Variants in EYA3 observed in about 807,000 individuals in gnomAD.
EYA3 encodes protein phosphatase EYA3.
Under a neutral mutation model 80.0 loss-of-function variants are expected in EYA3, and 39 were observed. That is an observed-to-expected ratio of 0.49 (90% CI 0.38 to 0.64). The LOEUF is 0.64. Ranked by LOEUF, EYA3 falls within the 30% of genes least tolerant of loss-of-function variation. EYA3 has a pLI of 0.00. For synonymous variants in EYA3, 206 were observed against 232.8 expected, an observed-to-expected ratio of 0.88 and a Z score of 1.05; for missense variants, 523 against 676.1, an observed-to-expected ratio of 0.77 and a Z score of 2.51.
At chr1:28,040,272 A>C (rs1643701956) in intron 4 of EYA3, among the ~76,000 whole-genome samples, 1 of 152,246 alleles carries the variant, frequency 6.6e-6, no homozygotes, top group African/African-American at 2.4e-5. Context: ...GTAGAGAATG[A>C]GGAAAACAAC....
intron 5 of EYA3, among the ~76,000 whole-genome samples, chr1:28,037,914 T>A (rs1318640042): frequency 2.6e-5 from 4 of 152,234 alleles, no homozygotes; most frequent in Non-Finnish European, 5.9e-5. Context: ...TATCCTGGCT[T>A]AATAAATGCA....
At chr1:27,978,541 T>G (rs1416597524) in intron 16 of EYA3, 67 bp from the exon 17 acceptor site, 1 of 1,339,790 alleles carries the variant, frequency 7.5e-7, no homozygotes, top group Non-Finnish European at 1.1e-6. Context: ...AGAAGAGGGC[T>G]GCTGCTAGGT....
intron 6 of EYA3, among the ~76,000 whole-genome samples, chr1:28,033,622 AT>A (rs1248821619): frequency 3.4e-5 from 5 of 147,538 alleles, no homozygotes; most frequent in Non-Finnish European, 6.0e-5. Flanking sequence ...ACTTTACAGA[AT>A]TTTTTTCTTT....
chr1:28,068,334 C>CAA (rs34643708), intron 1 of EYA3, among the ~76,000 whole-genome samples: 231 of 130,706 alleles, frequency 1.8e-3, no homozygotes, highest in African/African-American at 5.2e-3. Context: ...ACTCCCATCT[C>CAA]AAAAAAAAAA....
At chr1:28,044,007 T>C (rs1202423983) in intron 3 of EYA3, among the ~76,000 whole-genome samples, 5 of 151,984 alleles carry the variant, frequency 3.3e-5, no homozygotes, top group African/African-American at 9.7e-5. Context: ...AGCAACATCA[T>C]TTTTTTTAAC....
At chr1:28,088,049 C>G (rs1167042091) in intron 1 of EYA3, among the ~76,000 whole-genome samples, 1 of 152,116 alleles carries the variant, frequency 6.6e-6, no homozygotes, top group African/African-American at 2.4e-5. Context: ...AGGATCAAAG[C>G]TGAAGAAAGT....
intron 1 of EYA3, among the ~76,000 whole-genome samples, chr1:28,081,541 A>T (rs979143839): frequency 3.9e-5 from 6 of 152,194 alleles, no homozygotes; most frequent in African/African-American, 1.4e-4. Context: ...TAAAGTCTGA[A>T]ATATTCCCCC....
chr1:28,038,498 G>A (rs748558859), intron 5 of EYA3, among the ~76,000 whole-genome samples: 1 of 143,206 alleles, frequency 7.0e-6, no homozygotes, highest in African/African-American at 2.6e-5. Flanking sequence ...ATTCAGTCTT[G>A]TTTTTATTAA....
In EYA3 at chr1:28,000,043, T is replaced by C. The variant is rs779894304; in HGVS notation, c.1000A>G (p.Thr334Ala). ...GTTAAACCTGAGCCAATCACTACTG[T>C]TGGGTCCTAGAAGACAATAAGAAAA... is the stretch of plus-strand genomic sequence containing the variant. ...SYAQKYGKDPTVVIGSGLTME... is the reference protein window; with the variant it reads ...SYAQKYGKDPAVVIGSGLTME... The change falls in exon 12 of 18, where the codon ACA becomes GCA. Residue 334 changes from threonine (T) to alanine (A), a missense_variant. Transcript: ENST00000373871. 6.2e-6 allele frequency: 10 copies of C among 1,606,596 alleles called. No individual in the cohort carries two copies. Among genetic ancestry groups the C allele is most frequent in the African/African-American group, 4.0e-5 (3 of 74,634 alleles).
Position 27,974,341 on chromosome 1 carries a change from AAGAG to A in EYA3, c.*121_*124del, listed in dbSNP as rs1184629527. On this transcript the variant is annotated 3_prime_UTR_variant, in exon 18 of 18. Transcript: ENST00000373871. ...AGAGAGGGAGAGAGAGAAAGAGAGA[AAGAG>A]AGAGAGATAGAGACAGAGACACAGA... 2 of 565,758 alleles carry A rather than the reference AAGAG, an allele frequency of 3.5e-6. No individual in the cohort carries two copies. The highest frequency in any genetic ancestry group is 1.9e-5 in the African/African-American group (1 of 52,264). 35.0% of individuals were successfully genotyped at this position (565,758 alleles called of 1,614,324 possible).
intron 4 of EYA3, 106 bp downstream of exon 4, chr1:28,042,465 G>C (rs924924680): frequency 1.3e-5 from 12 of 893,562 alleles, no homozygotes; most frequent in Admixed American, 6.0e-5. Context: ...AGAGCCTTCA[G>C]GATATTTTGG....
intron 2 of EYA3, among the ~76,000 whole-genome samples, chr1:28,051,698 C>G (rs1285777973): frequency 1.3e-5 from 2 of 151,716 alleles, no homozygotes; most frequent in Admixed American, 1.3e-4. Context: ...AACAAACAAA[C>G]AAACAAAAAA....
At chr1:28,011,379 T>C (rs1641686128) in intron 9 of EYA3, among the ~76,000 whole-genome samples, 1 of 152,194 alleles carries the variant, frequency 6.6e-6, no homozygotes, top group South Asian at 2.1e-4. Flanking sequence ...ATGGTCAAAC[T>C]TGTAGATTAG....
intron 1 of EYA3, among the ~76,000 whole-genome samples, chr1:28,087,418 C>G (rs1645695528): frequency 6.6e-6 from 1 of 152,020 alleles, no homozygotes; most frequent in Non-Finnish European, 1.5e-5. Flanking sequence ...TAAGTAAAGT[C>G]TGGCTAATGA....
chr1:28,073,103 TTA>T lies in EYA3; in HGVS notation c.-68-15011_-68-15010del, dbSNP rs201041762. 7.8e-3 allele frequency among the ~76,000 whole-genome samples: 296 copies of T among 37,750 alleles called. 11 individuals carry two copies. The highest frequency in any genetic ancestry group is 0.017 in the East Asian group (12 of 686). 24.8% of individuals were successfully genotyped at this position (37,750 alleles called of 152,430 possible). ...ATCCTTTTTGGGATTGATGAAACTA[TTA>T]TATATATATATATATATATATATTT... On this transcript the variant is annotated intron_variant, in intron 1 of 17. Coordinates refer to ENST00000373871, the MANE Select transcript of EYA3 (RefSeq NM_001990.4).
chr1:28,004,295 G>A (rs1459463313), intron 11 of EYA3, 41 bp downstream of exon 11: 6 of 1,409,916 alleles, frequency 4.3e-6, no homozygotes, highest in Non-Finnish European at 6.0e-6. Context: ...TGACTATATA[G>A]TCAGAAGAGG....
At chr1:28,005,319 A>G (rs1641187207) in intron 10 of EYA3, among the ~76,000 whole-genome samples, 1 of 152,218 alleles carries the variant, frequency 6.6e-6, no homozygotes, top group South Asian at 2.1e-4. Flanking sequence ...AGGAGGGAAT[A>G]CTTCCTGACT....
chr1:28,045,980 A>G (rs1478977487), intron 3 of EYA3, among the ~76,000 whole-genome samples: 3 of 152,214 alleles, frequency 2.0e-5, no homozygotes, highest in Admixed American at 2.0e-4. Context: ...ATAGACCTTA[A>G]AGACATCATG....
chr1:28,001,111 T>C (rs72656578), intron 11 of EYA3, among the ~76,000 whole-genome samples: 34,151 of 150,290 alleles, frequency 0.23, 4,097 homozygotes, highest in Non-Finnish European at 0.27. Context: ...TCTATATCAC[T>C]GTATATATTT....
Sources: gnomAD v4.1 joint callset for allele counts (sites outside exome capture counted in the v4.1 genomes callset) on GRCh38, gnomAD v4.1.1 for gene constraint, MANE v1.5 for transcripts, NCBI Gene and HGNC (gene_info 2026-07-23, HGNC 2026-07-21) for gene names.